Variants in ANKRD31 observed in about 807,000 individuals in gnomAD.
ANKRD31 encodes the protein ankyrin repeat domain 31, also known as ankyrin repeat domain-containing protein 31.
ANKRD31 carries 147 observed loss-of-function variants against 186.0 expected under a neutral mutation model. The ratio of observed to expected loss-of-function variants is 0.79; its 90% CI spans 0.69 to 0.91. The LOEUF (loss-of-function observed/expected upper bound fraction) is 0.91, where lower values mean the gene tolerates loss of function less well. Among genes scored for constraint, ANKRD31 ranks in the 40% least tolerant of loss-of-function variants. The pLI, the probability that ANKRD31 is intolerant of heterozygous loss-of-function variation, is 0.00. For missense variants in ANKRD31, 1,986 were observed against 2,148.8 expected (o/e 0.92, Z 1.50); for synonymous variants, 673 against 736.4 (o/e 0.91, Z 1.39).
Position 75,222,241 on chromosome 5 carries a change from C to G in ANKRD31, c.288+8G>C. ...AATGAGTATGTATTCAATCAACATGCTACACACCTGTAATATTGTATCCTC... is the reference window on the plus strand; with the variant it reads ...AATGAGTATGTATTCAATCAACATGGTACACACCTGTAATATTGTATCCTC... On this transcript the variant is annotated splice_region_variant and intron_variant, in intron 3 of 25. Transcript: ENST00000506364. 1 of 1,521,908 alleles carries G rather than the reference C, an allele frequency of 6.6e-7. No individual in the cohort carries two copies. Among genetic ancestry groups the G allele is most frequent in the South Asian group, 1.2e-5 (1 of 82,978 alleles). 94.3% of individuals were successfully genotyped at this position (1,521,908 alleles called of 1,614,324 possible).
intron 2 of ANKRD31, among the ~76,000 whole-genome samples, chr5:75,224,909 A>G (rs1757544799): frequency 6.6e-6 from 1 of 152,202 alleles, no homozygotes; most frequent in Non-Finnish European, 1.5e-5. Context: ...GCTATCTTTA[A>G]TATAGAAAAT....
chr5:75,076,710 G>C (rs865805788), intron 25 of ANKRD31, among the ~76,000 whole-genome samples: 1 of 152,182 alleles, frequency 6.6e-6, no homozygotes, highest in African/African-American at 2.4e-5. Flanking sequence ...TGGTCTTTCT[G>C]ATGACCAGCC....
At chr5:75,133,070 A>G (rs990558046) in intron 17 of ANKRD31, among the ~76,000 whole-genome samples, 9 of 152,238 alleles carry the variant, frequency 5.9e-5, no homozygotes, top group African/African-American at 1.9e-4. Context: ...GCCAAATTGT[A>G]AAGACCGTCG....
At chr5:75,224,176 T>TATATAC (rs1757499714) in intron 2 of ANKRD31, among the ~76,000 whole-genome samples, 1 of 118,934 alleles carries the variant, frequency 8.4e-6, no homozygotes, top group African/African-American at 3.7e-5. Flanking sequence ...TATATATATA[T>TATATAC]ATACACACAT....
chr5:75,090,447 G>A (rs571109404), intron 23 of ANKRD31, among the ~76,000 whole-genome samples: 2 of 152,292 alleles, frequency 1.3e-5, no homozygotes, highest in Non-Finnish European at 2.9e-5. Context: ...GGGACTGGGA[G>A]GGAGAGTGGG....
At chr5:75,123,760 T>G (rs1033288969) in intron 17 of ANKRD31, among the ~76,000 whole-genome samples, 24 of 151,934 alleles carry the variant, frequency 1.6e-4, no homozygotes, top group African/African-American at 5.5e-4. Context: ...GAAGAATGTC[T>G]CTAATCATAT....
At chr5:75,109,593 A>G (rs1247802947) in intron 20 of ANKRD31, among the ~76,000 whole-genome samples, 1 of 152,226 alleles carries the variant, frequency 6.6e-6, no homozygotes, top group Non-Finnish European at 1.5e-5. Context: ...CTAAGTTGAC[A>G]TGACAATGAA....
At chr5:75,182,660 A>G (rs1754404626) in intron 10 of ANKRD31, among the ~76,000 whole-genome samples, 1 of 151,890 alleles carries the variant, frequency 6.6e-6, no homozygotes, top group African/African-American at 2.4e-5. Flanking sequence ...GGAAGGTTTC[A>G]GTGAGCCGAG....
At chr5:75,232,505 C>T (rs190023677) in intron 1 of ANKRD31, among the ~76,000 whole-genome samples, 239 of 151,984 alleles carry the variant, frequency 1.6e-3, no homozygotes, top group Non-Finnish European at 2.8e-3. Context: ...CTTCAGGTCT[C>T]GACCTCCCTA....
At chr5:75,222,984 G>C (rs1164712740) in intron 2 of ANKRD31, among the ~76,000 whole-genome samples, 1 of 152,134 alleles carries the variant, frequency 6.6e-6, no homozygotes, top group South Asian at 2.1e-4. Context: ...GGGTCAAATG[G>C]TATTTCTAGT....
At chr5:75,152,047 G>A (rs555723980) in intron 12 of ANKRD31, among the ~76,000 whole-genome samples, 63 of 152,086 alleles carry the variant, frequency 4.1e-4, no homozygotes, top group African/African-American at 1.3e-3. Flanking sequence ...AGCATCTGTT[G>A]TTTTGCCTGC....
chr5:75,185,999 T>C (rs996319926), intron 10 of ANKRD31, among the ~76,000 whole-genome samples: 3 of 152,104 alleles, frequency 2.0e-5, no homozygotes, highest in African/African-American at 7.2e-5. Flanking sequence ...CCAGTGTCAA[T>C]AAAGCCAGAA....
intron 10 of ANKRD31, among the ~76,000 whole-genome samples, chr5:75,172,931 CAA>C (rs1753464196): frequency 6.6e-6 from 1 of 151,942 alleles, no homozygotes; most frequent in Non-Finnish European, 1.5e-5. Flanking sequence ...AGAGACACAA[CAA>C]AAAAAGAGAA....
In ANKRD31 at chr5:75,104,272, C is replaced by T. The variant is rs1267809944; in HGVS notation, c.5287G>A (p.Gly1763Arg). ...ATGTTATTTCCTGGGTTAATTCTTC[C>T]TAGTAATATCAAATCTTTTATCTGA... is the stretch of plus-strand genomic sequence containing the variant. ...CIQIKDLILL[G>R]RINPGNNILE... Residue 1763 changes from glycine (G) to arginine (R), a missense_variant, in exon 22 of 26, where the codon GGA (glycine) becomes AGA (arginine). Gly to Arg is a moderately radical substitution (Grantham distance 125). Coordinates refer to ENST00000506364, the MANE Select transcript of ANKRD31 (RefSeq NM_001372053.1). 4 of 1,529,240 alleles carry T rather than the reference C, an allele frequency of 2.6e-6. No homozygotes were observed. Among genetic ancestry groups the T allele is most frequent in the African/African-American group, 2.8e-5 (2 of 72,690 alleles). 94.7% of individuals were successfully genotyped at this position (1,529,240 alleles called of 1,614,324 possible).
Position 75,144,651 on chromosome 5 carries a change from A to AACCTAGGCAATACCATTCAGG in ANKRD31, c.3425-501_3425-481dup, listed in dbSNP as rs1428047354. ...TAAAACCATAAAAACCCTAGAAGAAAACCTAGGCAATACCATTCAGGACAT... is the reference window on the plus strand; with the variant it reads ...TAAAACCATAAAAACCCTAGAAGAAAACCTAGGCAATACCATTCAGGACCTAGGCAATACCATTCAGGACAT... On this transcript the variant is annotated intron_variant, in intron 14 of 25. Coordinates refer to ENST00000506364, the MANE Select transcript of ANKRD31 (RefSeq NM_001372053.1). Among the ~76,000 whole-genome samples the AACCTAGGCAATACCATTCAGG allele has an allele frequency of 2.6e-4, 39 of 152,250 alleles. 2 individuals carry two copies. Among genetic ancestry groups the AACCTAGGCAATACCATTCAGG allele is most frequent in the Middle Eastern group, 6.8e-3 (2 of 294 alleles).
intron 10 of ANKRD31, among the ~76,000 whole-genome samples, chr5:75,183,257 G>A (rs768029261): frequency 5.9e-5 from 9 of 152,188 alleles, no homozygotes; most frequent in East Asian, 1.9e-4. Flanking sequence ...AGGTATGTAC[G>A]TCAACACAAT....
intron 17 of ANKRD31, among the ~76,000 whole-genome samples, chr5:75,118,588 A>G (rs1276551836): frequency 6.6e-6 from 1 of 152,248 alleles, no homozygotes; most frequent in Non-Finnish European, 1.5e-5. Flanking sequence ...ACTGCCCAGT[A>G]GAATTTTCTG....
intron 17 of ANKRD31, among the ~76,000 whole-genome samples, chr5:75,137,441 C>A (rs1750675671): frequency 6.6e-6 from 1 of 152,090 alleles, no homozygotes; most frequent in African/African-American, 2.4e-5. Flanking sequence ...ATGCAACAAA[C>A]ACCCGGAAAA....
intron 4 of ANKRD31, among the ~76,000 whole-genome samples, chr5:75,208,502 G>C (rs558327084): frequency 6.6e-6 from 1 of 151,530 alleles, no homozygotes; most frequent in African/African-American, 2.4e-5. Flanking sequence ...GACTGAGAAA[G>C]CTTCTTGAAA....
Sources: allele counts gnomAD v4.1 joint callset (sites outside exome capture counted in the v4.1 genomes callset), GRCh38; gene constraint gnomAD v4.1.1; transcripts MANE v1.5; gene names NCBI Gene and HGNC (gene_info 2026-07-23, HGNC 2026-07-21).